Variants in COL27A1 observed in about 807,000 individuals in gnomAD.
COL27A1 encodes collagen alpha-1(XXVII) chain.
Under a neutral mutation model 251.3 loss-of-function variants are expected in COL27A1, and 106 were observed. The ratio of observed to expected loss-of-function variants is 0.42; its 90% confidence interval spans 0.36 to 0.50. The LOEUF is 0.50. Ranked by LOEUF, COL27A1 falls within the 20% of genes least tolerant of loss-of-function variation. The pLI is 0.00. For missense variants in COL27A1, 2,325 were observed against 2,522.8 expected, an observed-to-expected ratio of 0.92 and a Z score of 1.68; for synonymous variants, 1,000 against 986.3, an observed-to-expected ratio of 1.01 and a Z score of -0.26.
At position 114,282,270 on chromosome 9, in the gene COL27A1, T is replaced by C. The variant is rs1588865280; in HGVS notation, c.3718-7T>C. 4.3e-6 allele frequency: 7 copies of C among 1,612,134 alleles called. No individual in the cohort carries two copies. Among genetic ancestry groups the C allele is most frequent in the Non-Finnish European group, 5.1e-6 (6 of 1,178,400 alleles). On this transcript the variant is annotated splice_polypyrimidine_tract_variant and splice_region_variant and intron_variant, in intron 37 of 60. Transcript: ENST00000356083. ...TTTCTCTTGCTCTGTCCCTCCTCTC[T>C]CTTCAGGGTCCTGAAGGAAAATCAG...
rs1441968464 is a variant in COL27A1, at chr9:114,310,803, A to G, written c.*108A>G. 4.1e-5 allele frequency: 51 copies of G among 1,233,640 alleles called. No homozygotes were observed. Among genetic ancestry groups the G allele is most frequent in the Non-Finnish European group, 3.8e-5 (33 of 876,754 alleles). 76.4% of individuals were successfully genotyped at this position (1,233,640 alleles called of 1,614,324 possible). A position where few individuals can be genotyped will look rare whatever the true frequency, so the allele number is the denominator to read the frequency against. On this transcript the variant is annotated 3_prime_UTR_variant, in exon 61 of 61. Coordinates refer to ENST00000356083, the MANE Select transcript of COL27A1 (RefSeq NM_032888.4). ...CCAGGAGAGGCAGCTCCCCTGCCCA[A>G]GGGTCCTTGGGCAGACCCCAGCTGT...
chr9:114,280,645 A>T (rs1835846620), intron 37 of COL27A1, among the ~76,000 whole-genome samples: 1 of 152,226 alleles, frequency 6.6e-6, no homozygotes, highest in Admixed American at 6.5e-5. Flanking sequence ...GGGGAAACTA[A>T]GGTTCAGAGA....
chr9:114,260,878 C>T (rs1367556731), intron 28 of COL27A1, among the ~76,000 whole-genome samples: 1 of 152,172 alleles, frequency 6.6e-6, no homozygotes, highest in African/African-American at 2.4e-5. Flanking sequence ...TTTAATTCCT[C>T]CTTCCGAGGG....
intron 14 of COL27A1, among the ~76,000 whole-genome samples, chr9:114,229,120 C>T (rs765476038): frequency 6.6e-5 from 10 of 152,202 alleles, no homozygotes; most frequent in Admixed American, 1.3e-4. Flanking sequence ...CATGGCGCCA[C>T]GCTGGGCCTG....
intron 58 of COL27A1, 86 bp downstream of exon 58, chr9:114,306,774 C>T: frequency 2.7e-6 from 4 of 1,499,848 alleles, no homozygotes; most frequent in Non-Finnish European, 3.6e-6. Context: ...CGCATTTTGG[C>T]TGAGTTTTTG....
chr9:114,305,173 C>T (rs773206336), intron 57 of COL27A1, among the ~76,000 whole-genome samples: 2 of 152,206 alleles, frequency 1.3e-5, no homozygotes, highest in Non-Finnish European at 2.9e-5. Flanking sequence ...TGCAGCCTTG[C>T]CTCCTTCACA....
At chr9:114,190,911 A>T (rs1179442038) in intron 5 of COL27A1, among the ~76,000 whole-genome samples, 1 of 152,214 alleles carries the variant, frequency 6.6e-6, no homozygotes, top group Non-Finnish European at 1.5e-5. Flanking sequence ...ATGGTTAGTT[A>T]GACTTTGTAT....
chr9:114,219,428 C>A (rs1830931188), intron 12 of COL27A1, among the ~76,000 whole-genome samples: 1 of 152,168 alleles, frequency 6.6e-6, no homozygotes, highest in Non-Finnish European at 1.5e-5. Flanking sequence ...TCCTCCTTGA[C>A]CAGTGGGGAA....
At position 114,240,476 on chromosome 9, in the gene COL27A1, C is replaced by T; in HGVS notation, c.2824C>T (p.Leu942=). Residue 942 remains leucine (L), a synonymous_variant, in exon 21 of 61, where the codon CTG becomes TTG. Transcript: ENST00000356083. ...ARGLPGPRGQ[L]GPEGDEGPMG... ...AGGCCTGCCGGGACCCCGTGGGCAG[C>T]TGGGGCCCGAGGTGAGACTGTCTGG... The T allele has an allele frequency of 6.2e-7, 1 of 1,611,374 alleles. No homozygotes were observed. The highest frequency in any genetic ancestry group is 1.1e-5 in the South Asian group (1 of 91,036).
At chr9:114,264,330 T>G in intron 28 of COL27A1, 25 bp from the exon 29 acceptor site, 1 of 1,570,736 alleles carries the variant, frequency 6.4e-7, no homozygotes, top group Non-Finnish European at 8.6e-7. Context: ...CTGTCCGGTG[T>G]GCTAGTCCCT....
intron 25 of COL27A1, among the ~76,000 whole-genome samples, chr9:114,251,218 T>C (rs145133042): frequency 7.0e-4 from 106 of 152,216 alleles, no homozygotes; most frequent in African/African-American, 2.3e-3. Flanking sequence ...TTGTCTTCCT[T>C]TGTATGGGTT....
chr9:114,236,122 C>T (rs529994127), intron 17 of COL27A1, among the ~76,000 whole-genome samples: 5 of 152,078 alleles, frequency 3.3e-5, no homozygotes, highest in East Asian at 3.9e-4. Context: ...GACTGCTACC[C>T]GCCCGGGACC....
intron 7 of COL27A1, among the ~76,000 whole-genome samples, chr9:114,204,496 G>A (rs1829805539): frequency 6.6e-6 from 1 of 152,214 alleles, no homozygotes; most frequent in Non-Finnish European, 1.5e-5. Context: ...GGTTGGTACT[G>A]GGGCGTTGCC....
rs144800654 is a variant in COL27A1, at chr9:114,253,295, A to AAAAGAAAGAAAGAAAGAAAGAAAGAAAG, written c.3141+388_3141+389insAAGAAAGAAAGAAAGAAAGAAAGAAAGA. ...AGGAAAAGAAAGAAAGAGACAGAGAAAAAGAAAGAAAGAAAGAAAGAAAGA... is the reference window on the plus strand; with the variant it reads ...AGGAAAAGAAAGAAAGAGACAGAGAAAAAGAAAGAAAGAAAGAAAGAAAGAAAGAAAGAAAGAAAGAAAGAAAGAAAGA... On this transcript the variant is annotated intron_variant, in intron 27 of 60. Transcript: ENST00000356083. Among the ~76,000 whole-genome samples the AAAAGAAAGAAAGAAAGAAAGAAAGAAAG allele has an allele frequency of 2.9e-3, 408 of 140,330 alleles. 3 individuals carry two copies. Among genetic ancestry groups the AAAAGAAAGAAAGAAAGAAAGAAAGAAAG allele is most frequent in the East Asian group, 0.011 (51 of 4,624 alleles). 92.1% of individuals were successfully genotyped at this position (140,330 alleles called of 152,430 possible). A position where few individuals can be genotyped will look rare whatever the true frequency, so the allele number is the denominator to read the frequency against.
At chr9:114,229,108 G>A (rs1368215413) in intron 14 of COL27A1, among the ~76,000 whole-genome samples, 3 of 152,240 alleles carry the variant, frequency 2.0e-5, no homozygotes, top group African/African-American at 7.2e-5. Flanking sequence ...ATAGGCATGA[G>A]CCATGGCGCC....
At position 114,173,404 on chromosome 9, in the gene COL27A1, C is replaced by T. The variant is rs532600276; in HGVS notation, c.1908+3941C>T. 4.6e-5 allele frequency among the ~76,000 whole-genome samples: 7 copies of T among 152,362 alleles called. No individual in the cohort carries two copies. The South Asian group carries it at 1.2e-3, about 27-fold the overall frequency. On this transcript the variant is annotated intron_variant, in intron 3 of 60. Transcript: ENST00000356083. ...ACGAAATGCAGGTCGTCCTGACTCC[C>T]AGGCGGGGTTCCTTGAGGTTACCCA...
intron 24 of COL27A1, among the ~76,000 whole-genome samples, chr9:114,246,491 G>C (rs981825851): frequency 1.8e-4 from 28 of 152,332 alleles, no homozygotes; most frequent in African/African-American, 6.7e-4. Flanking sequence ...TGGGCAGAGG[G>C]ACAGCTTCAA....
chr9:114,267,645 C>CCTTTCTTGTGG lies in COL27A1; in HGVS notation c.3501+91_3501+101dup, dbSNP rs1834837358. On this transcript the variant is annotated intron_variant, in intron 34 of 60. Coordinates refer to ENST00000356083, the MANE Select transcript of COL27A1 (RefSeq NM_032888.4). ...ATCCTCTCCATGGAAGAGAAATGGG[C>CCTTTCTTGTGG]CTTTCTTGTGGCTGGGATAATGGGT... 19 of 1,243,928 alleles carry CCTTTCTTGTGG rather than the reference C, an allele frequency of 1.5e-5. No individual in the cohort carries two copies. The South Asian group carries it at 2.3e-4, about 15-fold the overall frequency. 77.1% of individuals were successfully genotyped at this position (1,243,928 alleles called of 1,614,324 possible). A position where few individuals can be genotyped will look rare whatever the true frequency, so the allele number is the denominator to read the frequency against.
intron 14 of COL27A1, among the ~76,000 whole-genome samples, chr9:114,223,757 G>T (rs1306978065): frequency 1.3e-5 from 2 of 152,178 alleles, no homozygotes; most frequent in Non-Finnish European, 2.9e-5. Flanking sequence ...CTATGCCTCG[G>T]TTTCTTCATC....
Sources: gnomAD v4.1 joint callset for allele counts (sites outside exome capture counted in the v4.1 genomes callset) on GRCh38, gnomAD v4.1.1 for gene constraint, MANE v1.5 for transcripts, NCBI Gene and HGNC (gene_info 2026-07-23, HGNC 2026-07-21) for gene names.